CIZ1: variants seen among roughly 807,000 people sequenced by gnomAD.
CIZ1 encodes the protein cip1-interacting zinc finger protein.
In CIZ1, 58 loss-of-function variants were observed where a neutral mutation model predicts 118.6. The ratio of observed to expected loss-of-function variants is 0.49; its 90% CI spans 0.40 to 0.61. The LOEUF is 0.61. CIZ1 is among the 20% of genes least tolerant of loss of function. CIZ1 has a pLI of 0.00. For missense variants in CIZ1, 921 were observed against 1,115.9 expected, an observed-to-expected ratio of 0.83 and a Z score of 2.49; for synonymous variants, 448 against 443.4, an observed-to-expected ratio of 1.01 and a Z score of -0.13.
chr9:128,191,116 T>G lies in CIZ1; in HGVS notation c.-5-254A>C, dbSNP rs1833085743. 2.0e-5 allele frequency among the ~76,000 whole-genome samples: 3 copies of G among 151,752 alleles called. No individual in the cohort carries two copies. In the South Asian group the frequency reaches 6.2e-4, roughly 32 times the overall value. On this transcript the variant is annotated intron_variant, in intron 1 of 16. Coordinates refer to ENST00000372938, the MANE Select transcript of CIZ1 (RefSeq NM_001131016.2). The surrounding 1 kb of genome is among the most constrained non-coding windows in gnomAD (Gnocchi z 5.5). ...CCAGACACTGCCAACAGCCCCTCCTTCAAGTCCCTCCATCTCTCCATTTCT... is the reference window on the plus strand; with the variant it reads ...CCAGACACTGCCAACAGCCCCTCCTGCAAGTCCCTCCATCTCTCCATTTCT...
At chr9:128,185,394 T>C (rs1000389908) in intron 5 of CIZ1, among the ~76,000 whole-genome samples, 153 bp downstream of exon 5, 10 of 152,156 alleles carry the variant, frequency 6.6e-5, no homozygotes, top group Admixed American at 4.6e-4. Flanking sequence ...GCTAAACAAG[T>C]CCATTCCCGC....
At chr9:128,202,973 C>G (rs1346801312) in intron 1 of CIZ1, 1 of 152,104 alleles carries the variant, frequency 6.6e-6, no homozygotes, top group Non-Finnish European at 1.5e-5. Flanking sequence ...TGTTGGAGAT[C>G]AGAGTCAGGA....
In CIZ1 at chr9:128,169,518, A is replaced by G. The variant is rs759201456; in HGVS notation, c.2033T>C (p.Ile678Thr). 1.8e-5 allele frequency: 29 copies of G among 1,613,946 alleles called. No individual in the cohort carries two copies. The Admixed American group carries it at 4.0e-4, about 22-fold the overall frequency. The change falls in exon 13 of 17, where the codon ATT becomes ACT. Residue 678 changes from isoleucine (I) to threonine (T), a missense_variant and splice_region_variant. By Grantham distance (89) the Ile-to-Thr change is moderately conservative (BLOSUM62 -1). Coordinates refer to ENST00000372938, the MANE Select transcript of CIZ1 (RefSeq NM_001131016.2). Reference sequence around the variant, plus strand: ...GAAGGGTCGCAAGGATTGTTTGGCAATCTGGAAAAAGGCAGGCCAACCAAG... The same window carrying G: ...GAAGGGTCGCAAGGATTGTTTGGCAGTCTGGAAAAAGGCAGGCCAACCAAG... Reference protein sequence around the residue: ...IQHRRTQDHKIAKQSLRPFCT... With the variant: ...IQHRRTQDHKTAKQSLRPFCT...
intron 3 of CIZ1, among the ~76,000 whole-genome samples, 155 bp from the exon 4 acceptor site, chr9:128,188,089 AT>A: frequency 8.0e-6 from 1 of 125,154 alleles, no homozygotes; most frequent in Non-Finnish European, 1.7e-5. Context: ...AAAACAAAAA[AT>A]TAAAAAAAGC....
At position 128,174,510 on chromosome 9, in the gene CIZ1, T is replaced by C. The variant is rs549606224; in HGVS notation, c.1943+1841A>G. Among the ~76,000 whole-genome samples, 19 of 152,272 alleles carry C rather than the reference T, an allele frequency of 1.2e-4. No individual in the cohort carries two copies. The East Asian group carries it at 3.3e-3, about 26-fold the overall frequency. On this transcript the variant is annotated intron_variant, in intron 11 of 16. Transcript: ENST00000372938. ...CCTAAGCCAGAAACATTGTTCCTTTTTGCTCAAGCTAATTTCTGTCTTATA... is the reference window on the plus strand; with the variant it reads ...CCTAAGCCAGAAACATTGTTCCTTTCTGCTCAAGCTAATTTCTGTCTTATA...
In CIZ1 at chr9:128,203,562, T is replaced by C; in HGVS notation, c.-6+624A>G. 6.4e-7 allele frequency: 1 copy of C among 1,550,954 alleles called. No individual in the cohort carries two copies. The highest frequency in any genetic ancestry group is 8.7e-7 in the Non-Finnish European group (1 of 1,151,906). ...ATCGGCCAGAACGCGGACCTCGACC[T>C]GCCGCAGATCGCTGTGGTGGGCGGC... On this transcript the variant is annotated intron_variant, in intron 1 of 17. Coordinates refer to the CIZ1 transcript ENST00000372948. This position sits in a 1 kb window ranked among gnomAD's most constrained non-coding sequence, Gnocchi z 5.3.
At chr9:128,191,877 T>C, upstream of CIZ1, 2 of 1,456,660 alleles carry the variant, frequency 1.4e-6, no homozygotes. This position sits in a 1 kb window ranked among gnomAD's most constrained non-coding sequence, Gnocchi z 5.5. Context: ...GCCGCGGTCC[T>C]GCGATCCTGG....
At chr9:128,198,105 C>T (rs45499694) in intron 1 of CIZ1, 1 of 152,294 alleles carries the variant, frequency 6.6e-6, no homozygotes, top group African/African-American at 2.4e-5. Context: ...GGCACAGACG[C>T]CTGGACTGCC....
upstream of CIZ1, among the ~76,000 whole-genome samples, chr9:128,195,897 G>T (rs144851244): frequency 2.7e-4 from 41 of 152,058 alleles, no homozygotes; most frequent in African/African-American, 8.7e-4. Flanking sequence ...GCAGAGTCTC[G>T]CTCTGTCGCC....
chr9:128,168,867 G>A (rs1829775473), intron 14 of CIZ1, 185 bp downstream of exon 14: 10 of 837,442 alleles, frequency 1.2e-5, no homozygotes, highest in Non-Finnish European at 1.8e-5. Context: ...TATTTTAACT[G>A]CCACTCTCTA....
chr9:128,192,654 C>T (rs1462454175), upstream of CIZ1, among the ~76,000 whole-genome samples: 6 of 152,292 alleles, frequency 3.9e-5, no homozygotes, highest in East Asian at 1.2e-3. Context: ...GTGGTCCTCC[C>T]GCCTCAGCTT....
In CIZ1 at chr9:128,166,297, G is replaced by C; in HGVS notation, c.2597C>G (p.Pro866Arg). 7.1e-7 allele frequency: 1 copy of C among 1,404,718 alleles called. No individual in the cohort carries two copies. The highest frequency in any genetic ancestry group is 9.9e-7 in the Non-Finnish European group (1 of 1,014,578). 87.0% of individuals were successfully genotyped at this position (1,404,718 alleles called of 1,614,324 possible). ...GTCCTGGGTGTTGGGCTGGGAGGGTGGGCGGCCGCTGGAGGTGAACAGGGC... is the reference window on the plus strand; with the variant it reads ...GTCCTGGGTGTTGGGCTGGGAGGGTCGGCGGCCGCTGGAGGTGAACAGGGC... ...LTALFTSSGRPPSQPNTQDKT... is the reference protein window; with the variant it reads ...LTALFTSSGRRPSQPNTQDKT... Residue 866 changes from proline to arginine, a missense_variant, in exon 17 of 17, where the codon CCA becomes CGA. Pro to Arg is a moderately radical substitution (Grantham distance 103). Transcript: ENST00000372938. The surrounding 1 kb of genome is among the most constrained non-coding windows in gnomAD (Gnocchi z 4.4).
At chr9:128,189,222 C>T (rs577510411) in intron 3 of CIZ1, among the ~76,000 whole-genome samples, 1 of 152,124 alleles carries the variant, frequency 6.6e-6, no homozygotes, top group African/African-American at 2.4e-5. Flanking sequence ...CAGGCGTGAG[C>T]CACAACCCAT....
chr9:128,190,213 G>A, intron 3 of CIZ1, 116 bp downstream of exon 3: 2 of 717,362 alleles, frequency 2.8e-6, no homozygotes, highest in South Asian at 3.3e-5. Context: ...GAGTGAACTA[G>A]GATGCCAAGA....
At chr9:128,198,889 T>A (rs2131048443) in intron 1 of CIZ1, among the ~76,000 whole-genome samples, 1 of 152,056 alleles carries the variant, frequency 6.6e-6, no homozygotes, top group Middle Eastern at 3.4e-3. Flanking sequence ...CCACACAGCA[T>A]CTCTGGGAGA....
intron 11 of CIZ1, 32 bp downstream of exon 11, chr9:128,176,319 C>A (rs200170848): frequency 8.1e-6 from 13 of 1,610,364 alleles, no homozygotes; most frequent in South Asian, 1.1e-5. Flanking sequence ...TGCCTACCCC[C>A]CAACACAGAG....
rs768439923 is a variant in CIZ1 at position 128,166,401 on chromosome 9, G to A, written c.2493C>T (p.Tyr831=). The change falls in exon 17 of 17, where the codon TAC becomes TAT. Residue 831 remains tyrosine, a synonymous_variant. Transcript: ENST00000372938. The surrounding 1 kb of genome is among the most constrained non-coding windows in gnomAD (Gnocchi z 4.4). ...SLGHFENLQK[Y]KAAKNPSPTT... Reference sequence around the variant, plus strand: ...TGGGGCTGGGGTTCTTGGCCGCCTTGTATTTCTGGATACAGAAGGTGCAGG... The same window carrying A: ...TGGGGCTGGGGTTCTTGGCCGCCTTATATTTCTGGATACAGAAGGTGCAGG... 9.8e-6 allele frequency: 15 copies of A among 1,532,680 alleles called. No individual in the cohort carries two copies. The South Asian group carries it at 1.9e-4, about 19-fold the overall frequency. 94.9% of individuals were successfully genotyped at this position (1,532,680 alleles called of 1,614,324 possible).
chr9:128,170,169 G>A, intron 11 of CIZ1, 62 bp from the exon 12 acceptor site: 1 of 1,421,732 alleles, frequency 7.0e-7, no homozygotes, highest in South Asian at 1.2e-5. Flanking sequence ...CTGTCTGAGA[G>A]CGCTCCATAA....
At chr9:128,198,545 G>A (rs889109361) in intron 1 of CIZ1, among the ~76,000 whole-genome samples, 2 of 152,088 alleles carry the variant, frequency 1.3e-5, no homozygotes, top group Non-Finnish European at 2.9e-5. Flanking sequence ...AAAAGGGCTC[G>A]TGTTTTGGCC....
Sources: gnomAD v4.1 joint callset for allele counts (sites outside exome capture counted in the v4.1 genomes callset) on GRCh38, gnomAD v4.1.1 for gene constraint, Gnocchi (gnomAD v3.1) non-coding constraint, MANE v1.5 for transcripts, NCBI Gene and HGNC (gene_info 2026-07-23, HGNC 2026-07-21) for gene names.